The following ITGAV variants were observed in gnomAD, a reference collection of about 807,000 sequenced individuals.
ITGAV encodes the protein integrin alpha-V.
Under a neutral mutation model 143.8 loss-of-function variants are expected in ITGAV, and 76 were observed. The observed-to-expected ratio is 0.53, with a 90% confidence interval of 0.44 to 0.64. The LOEUF (loss-of-function observed/expected upper bound fraction) is 0.64, where lower values mean the gene tolerates loss of function less well. ITGAV is among the 30% of genes least tolerant of loss of function. ITGAV has a pLI of 0.00. For synonymous variants in ITGAV, 453 were observed against 446.7 expected (o/e 1.01, Z -0.18); for missense variants, 1,193 against 1,274.7 (o/e 0.94, Z 0.98).
chr2:186,668,933 A>G lies in ITGAV; in HGVS notation c.2592+13A>G, dbSNP rs750295331. The G allele has an allele frequency of 1.4e-5, 22 of 1,578,022 alleles. No individual in the cohort carries two copies. Among genetic ancestry groups the G allele is most frequent in the Middle Eastern group, 1.7e-4 (1 of 5,846 alleles). On this transcript the variant is annotated intron_variant, in intron 25 of 29. Coordinates refer to ENST00000261023, the MANE Select transcript of ITGAV (RefSeq NM_002210.5). ...TTTGAGAATTAAGGTAATATGCTTA[A>G]TAGCAGCTCTTCATTACAATGATAT...
chr2:186,637,007 A>C, intron 7 of ITGAV, 58 bp from the exon 8 acceptor site: 2 of 1,378,856 alleles, frequency 1.5e-6, no homozygotes, highest in Non-Finnish European at 2.1e-6. Flanking sequence ...TTACTCAGCA[A>C]GCCTGCTGAA....
At chr2:186,622,778 C>A (rs1375772229) in intron 3 of ITGAV, among the ~76,000 whole-genome samples, 1 of 151,066 alleles carries the variant, frequency 6.6e-6, no homozygotes, top group African/African-American at 2.4e-5. Flanking sequence ...TTTTTCTTTC[C>A]CTGAGACGGA....
chr2:186,603,790 A>G (rs1475459869), intron 2 of ITGAV, among the ~76,000 whole-genome samples: 1 of 152,118 alleles, frequency 6.6e-6, no homozygotes, highest in Non-Finnish European at 1.5e-5. Context: ...ACATGGTAAA[A>G]CAAATTTTAA....
intron 2 of ITGAV, among the ~76,000 whole-genome samples, chr2:186,603,158 T>C (rs1009382274): frequency 1.3e-5 from 2 of 152,188 alleles, no homozygotes; most frequent in African/African-American, 2.4e-5. Flanking sequence ...AAATCTTAGA[T>C]AGTCCTTAAG....
chr2:186,666,610 C>G (rs1688904348), intron 21 of ITGAV, 94 bp from the exon 22 acceptor site: 1 of 598,746 alleles, frequency 1.7e-6, no homozygotes, highest in Non-Finnish European at 2.8e-6. Context: ...AGAAAAACCC[C>G]ATTTTAGAAC....
At chr2:186,606,353 C>G (rs1029473408) in intron 2 of ITGAV, among the ~76,000 whole-genome samples, 10 of 152,192 alleles carry the variant, frequency 6.6e-5, no homozygotes. Context: ...TGACGTTGCA[C>G]GGGTTACTGT....
intron 2 of ITGAV, among the ~76,000 whole-genome samples, chr2:186,607,816 G>A (rs1434846030): frequency 6.6e-6 from 1 of 152,106 alleles, no homozygotes; most frequent in Non-Finnish European, 1.5e-5. Flanking sequence ...AAGTGACTAG[G>A]TATCATTGCT....
chr2:186,625,270 A>G (rs574481677), intron 3 of ITGAV, among the ~76,000 whole-genome samples: 2 of 152,174 alleles, frequency 1.3e-5, no homozygotes, highest in Non-Finnish European at 2.9e-5. Context: ...CAGCTACTCA[A>G]GAGGGTAAGG....
intron 2 of ITGAV, among the ~76,000 whole-genome samples, chr2:186,612,387 A>G (rs1687240618): frequency 6.6e-6 from 1 of 151,394 alleles, no homozygotes. Flanking sequence ...TTTTTTTTAA[A>G]GGAGAAGCTC....
At chr2:186,656,518 A>G in intron 17 of ITGAV, 117 bp downstream of exon 17, 1 of 746,932 alleles carries the variant, frequency 1.3e-6, no homozygotes, top group Non-Finnish European at 2.1e-6. Context: ...AGAAAAATAC[A>G]CAAAGGAAAT....
At chr2:186,665,258 A>G in intron 21 of ITGAV, 40 bp downstream of exon 21, 1 of 1,233,894 alleles carries the variant, frequency 8.1e-7, no homozygotes, top group Non-Finnish European at 1.2e-6. Flanking sequence ...TCCCTGGCAA[A>G]TAGAAAAGCA....
chr2:186,606,725 T>C (rs1687075914), intron 2 of ITGAV, among the ~76,000 whole-genome samples: 2 of 152,158 alleles, frequency 1.3e-5, no homozygotes, highest in Admixed American at 1.3e-4. Context: ...TCTTCTTTCC[T>C]TTACATCCAT....
intron 8 of ITGAV, among the ~76,000 whole-genome samples, chr2:186,637,586 A>G (rs1456983331): frequency 6.6e-6 from 1 of 152,114 alleles, no homozygotes; most frequent in African/African-American, 2.4e-5. Flanking sequence ...CACACTGGTG[A>G]GAGTCCAGGC....
chr2:186,601,967 T>C, intron 1 of ITGAV, 54 bp from the exon 2 acceptor site: 1 of 1,551,994 alleles, frequency 6.4e-7, no homozygotes, highest in Non-Finnish European at 8.7e-7. Context: ...AATCAGAAGA[T>C]ATTGCTTACA....
chr2:186,616,683 T>G (rs1009061832), intron 2 of ITGAV, among the ~76,000 whole-genome samples: 1 of 152,180 alleles, frequency 6.6e-6, no homozygotes, highest in Non-Finnish European at 1.5e-5. Flanking sequence ...ATAGTATTTA[T>G]TGCTCTCTGA....
intron 1 of ITGAV, chr2:186,600,358 G>C: frequency 6.5e-7 from 1 of 1,532,970 alleles, no homozygotes; most frequent in Non-Finnish European, 8.8e-7. Flanking sequence ...CCCTCCTTCT[G>C]ATCCTGTACA....
At chr2:186,630,941 C>A in intron 5 of ITGAV, 83 bp downstream of exon 5, 1 of 670,424 alleles carries the variant, frequency 1.5e-6, no homozygotes, top group Non-Finnish European at 2.7e-6. Flanking sequence ...GTCAATACCT[C>A]AACTCCTTTA....
rs768771232 is a variant in ITGAV at position 186,656,400 on chromosome 2, G to C, written c.1718G>C (p.Arg573Pro). The change falls in exon 17 of 30, where the codon CGG (arginine) becomes CCG (proline). Residue 573 changes from arginine to proline, a missense_variant and splice_region_variant. Arg to Pro is a moderately radical substitution (Grantham distance 103). Transcript: ENST00000261023. ...TGTGAGGAATTGATAGCGTATCTGC[G>C]GGTAAGAGCTAACTTTTCTGCTACC... ...MQCEELIAYL[R>P]DESEFRDKLT... 1 of 1,472,686 alleles carries C rather than the reference G, an allele frequency of 6.8e-7. No individual in the cohort carries two copies. Among genetic ancestry groups the C allele is most frequent in the Non-Finnish European group, 9.0e-7 (1 of 1,115,682 alleles). The allele number at this position is 1,472,686 out of a possible 1,614,324, so 91.2% of individuals were successfully genotyped here. A position where few individuals can be genotyped will look rare whatever the true frequency, so the allele number is the denominator to read the frequency against.
At chr2:186,607,591 A>T (rs191469778) in intron 2 of ITGAV, among the ~76,000 whole-genome samples, 95 of 152,320 alleles carry the variant, frequency 6.2e-4, no homozygotes, top group South Asian at 1.2e-3. Flanking sequence ...GACAAAAAAA[A>T]ATCTATTGTT....
Sources: gnomAD v4.1 joint callset for allele counts (sites outside exome capture counted in the v4.1 genomes callset) on GRCh38, gnomAD v4.1.1 for gene constraint, MANE v1.5 for transcripts, NCBI Gene and HGNC (gene_info 2026-07-23, HGNC 2026-07-21) for gene names.